Variants in NBPF11 observed in about 807,000 individuals in gnomAD.
NBPF11 encodes the protein NBPF member 11.
A neutral mutation model predicts 93.9 loss-of-function variants in NBPF11; 72 were observed. The observed-to-expected ratio is 0.77, with a 90% confidence interval of 0.63 to 0.93. The LOEUF (loss-of-function observed/expected upper bound fraction) is 0.93. NBPF11 is among the 40% of genes least tolerant of loss of function. The pLI is 0.00. For synonymous variants in NBPF11, 224 were observed against 304.9 expected (o/e 0.73, Z 2.76); for missense variants, 705 against 802.2 (o/e 0.88, Z 1.46).
At position 148,122,253 on chromosome 1, in the gene NBPF11, C is replaced by T. The variant is rs1274617853; in HGVS notation, c.580G>A (p.Ala194Thr). 1.2e-6 allele frequency: 2 copies of T among 1,609,912 alleles called. No individual in the cohort carries two copies. The highest frequency in any genetic ancestry group is 2.2e-4 in the Middle Eastern group (1 of 4,570). ...ESSAPREVQK[A>T]EESKVPEDSL... is the part of the protein sequence containing the mutation. The stretch of plus-strand genomic sequence containing the variant: ...TCCTCAGGGACTTTGCTCTCTTCAG[C>T]CTTCTGCACCTCCCTGATGAGCCAG... The change falls in exon 9 of 24, where the codon GCT becomes ACT. Residue 194 changes from alanine (A) to threonine (T), a missense_variant. Around this residue, in one of 12 missense-constraint regions of NBPF11, gnomAD observed 262 missense variants for 223.1 expected, o/e 1.17. Coordinates refer to ENST00000682118, the MANE Select transcript of NBPF11 (RefSeq NM_001385469.3).
intron 1 of NBPF11, chr1:148,149,278 C>G: frequency 6.3e-7 from 1 of 1,596,732 alleles, no homozygotes; most frequent in South Asian, 1.1e-5. Context: ...CGCCGCTCAC[C>G]TCGGGCATGC....
rs1418939898 is a variant in NBPF11, at chr1:148,106,867, C to T, written c.2251+75G>A. On this transcript the variant is annotated intron_variant, in intron 20 of 23. Coordinates refer to ENST00000682118, the MANE Select transcript of NBPF11 (RefSeq NM_001385469.3). Reference sequence around the variant, plus strand: ...ATGAAGTCTCTCGGGTCAGTAAGGGCCACTTGGAACAGGAATATCACCCCT... The same window carrying T: ...ATGAAGTCTCTCGGGTCAGTAAGGGTCACTTGGAACAGGAATATCACCCCT... The T allele has an allele frequency of 1.1e-5, 9 of 796,758 alleles. 1 individual carries two copies. Among genetic ancestry groups the T allele is most frequent in the African/African-American group, 3.7e-5 (2 of 53,996 alleles). 49.4% of individuals were successfully genotyped at this position (796,758 alleles called of 1,614,324 possible).
At chr1:148,130,515 A>T (rs1670153002) in intron 4 of NBPF11, among the ~76,000 whole-genome samples, 1 of 151,910 alleles carries the variant, frequency 6.6e-6, no homozygotes, top group Non-Finnish European at 1.5e-5. Flanking sequence ...GGGGCCTCGT[A>T]CCTGCTTCAT....
chr1:148,115,517 C>T (rs879347010), intron 14 of NBPF11, among the ~76,000 whole-genome samples: 8 of 149,826 alleles, frequency 5.3e-5, no homozygotes, highest in Non-Finnish European at 8.8e-5. Flanking sequence ...GATACTGAAT[C>T]GAAGTTAGGA....
intron 14 of NBPF11, among the ~76,000 whole-genome samples, chr1:148,114,835 G>C (rs1184332954): frequency 2.7e-5 from 4 of 150,870 alleles, no homozygotes; most frequent in Non-Finnish European, 5.9e-5. Context: ...AGGTAACATG[G>C]ACATTAAATG....
chr1:148,122,285 C>T lies in NBPF11; in HGVS notation c.567-19G>A. On this transcript the variant is annotated intron_variant, in intron 8 of 23. Transcript: ENST00000682118. ...CACCTCCCTGATGAGCCAGGTGGGA[C>T]AGAGATGACAGAAGATTAAACACAG... The T allele has an allele frequency of 6.2e-7, 1 of 1,609,362 alleles. No individual in the cohort carries two copies. The highest frequency in any genetic ancestry group is 8.5e-7 in the Non-Finnish European group (1 of 1,177,576).
intron 1 of NBPF11, among the ~76,000 whole-genome samples, chr1:148,150,837 C>A (rs1447693687): frequency 1.7e-4 from 26 of 151,586 alleles, no homozygotes; most frequent in Non-Finnish European, 3.4e-4. Flanking sequence ...AAGCGAGTCT[C>A]CTGCCTCAGC....
In NBPF11 at chr1:148,102,433, G is replaced by C. The variant is rs1404094686; in HGVS notation, c.*1463C>G. ...TCCCAAGTACTTCATTATAAGTAAG[G>C]TGTCTCTAAAAGGGACAGATCTCCT... On this transcript the variant is annotated 3_prime_UTR_variant, in exon 24 of 24. Coordinates refer to ENST00000682118, the MANE Select transcript of NBPF11 (RefSeq NM_001385469.3). 2 of 151,748 alleles carry C rather than the reference G, an allele frequency of 1.3e-5. No individual in the cohort carries two copies. The highest frequency in any genetic ancestry group is 3.9e-4 in the East Asian group (2 of 5,184). The allele number at this position is 151,748 out of a possible 1,614,324, so 9.4% of individuals were successfully genotyped here.
intron 1 of NBPF11, chr1:148,146,461 G>A: frequency 5.6e-6 from 9 of 1,604,394 alleles, no homozygotes; most frequent in South Asian, 1.1e-5. Context: ...CGGCCGCATC[G>A]CTGCCAAGCT....
At chr1:148,119,371 G>T (rs2994359) in intron 10 of NBPF11, among the ~76,000 whole-genome samples, 2 of 152,164 alleles carry the variant, frequency 1.3e-5, no homozygotes, top group Non-Finnish European at 2.9e-5. Context: ...AAACGTTCTA[G>T]GAGATTGACA....
intron 1 of NBPF11, 108 bp downstream of exon 1, chr1:148,151,642 C>T (rs1236703296): frequency 6.6e-6 from 1 of 152,354 alleles, no homozygotes; most frequent in African/African-American, 2.4e-5. Flanking sequence ...GCAACCGCCC[C>T]GCTCGCCTAA....
intron 1 of NBPF11, among the ~76,000 whole-genome samples, chr1:148,150,412 C>G (rs1553882735): frequency 0.016 from 2,471 of 150,932 alleles, 46 homozygotes; most frequent in Non-Finnish European, 0.026. Flanking sequence ...ATCACCTGCA[C>G]GTTTAAAATT....
rs1382307413 is a variant in NBPF11, at chr1:148,120,653, A to G, written c.836T>C (p.Leu279Ser). ...NVSMVVSAGP[L>S]SSEKAEMNIL... ...GTTCATCTCTGCCTTCTCGCTGGAC[A>G]AAGGGCCGGCTGATACCACCATGCT... is the stretch of plus-strand genomic sequence containing the variant. The change falls in exon 10 of 24, where the codon TTG (leucine) becomes TCG (serine). Residue 279 changes from leucine (L) to serine (S), a missense_variant. Transcript: ENST00000682118. The G allele has an allele frequency of 5.2e-6, 8 of 1,542,366 alleles. No individual in the cohort carries two copies. The East Asian group carries it at 1.8e-4, about 35-fold the overall frequency.
At chr1:148,133,346 G>C (rs1670732505) in intron 4 of NBPF11, among the ~76,000 whole-genome samples, 1 of 151,974 alleles carries the variant, frequency 6.6e-6, no homozygotes, top group Non-Finnish European at 1.5e-5. Flanking sequence ...TAGAGCTCTA[G>C]TATAATGCTG....
At chr1:148,146,687 G>A in intron 1 of NBPF11, 7 of 1,611,856 alleles carry the variant, frequency 4.3e-6, no homozygotes, top group South Asian at 3.3e-5. Flanking sequence ...CGCGGCAACC[G>A]TGTCTCCTGC....
At chr1:148,111,526 T>C (rs1484028178) in intron 15 of NBPF11, among the ~76,000 whole-genome samples, 1 of 151,772 alleles carries the variant, frequency 6.6e-6, no homozygotes, top group African/African-American at 2.4e-5. Context: ...GACGAATGGC[T>C]AACCAGAATG....
At chr1:148,108,710 C>A (rs1295558674) in intron 17 of NBPF11, 56 bp from the exon 18 acceptor site, 1 of 774,174 alleles carries the variant, frequency 1.3e-6, no homozygotes, top group East Asian at 2.5e-5. Context: ...AACCACACAG[C>A]CCCAGCTAGA....
At chr1:148,142,913 G>A (rs1157079091) in intron 2 of NBPF11, among the ~76,000 whole-genome samples, 19 of 152,274 alleles carry the variant, frequency 1.2e-4, no homozygotes, top group Non-Finnish European at 2.2e-4. Context: ...TGGCAACTGA[G>A]CCATGTTTCC....
chr1:148,104,314 G>C lies in NBPF11; in HGVS notation c.2581+223C>G. Among the ~76,000 whole-genome samples, 2 of 145,626 alleles carry C rather than the reference G, an allele frequency of 1.4e-5. 1 individual carries two copies. Among genetic ancestry groups the C allele is most frequent in the Non-Finnish European group, 3.0e-5 (2 of 67,200 alleles). On this transcript the variant is annotated intron_variant, in intron 23 of 23. Coordinates refer to ENST00000682118, the MANE Select transcript of NBPF11 (RefSeq NM_001385469.3). ...AAAATTCGATGCAGTGGCCATGAGAGTACAGCTTTTGAAGTATGGTCCACC... is the reference window on the plus strand; with the variant it reads ...AAAATTCGATGCAGTGGCCATGAGACTACAGCTTTTGAAGTATGGTCCACC...
Sources: gnomAD v4.1 joint callset for allele counts (sites outside exome capture counted in the v4.1 genomes callset) on GRCh38, gnomAD v4.1.1 for gene constraint, gnomAD v4.1.1 regional missense constraint, MANE v1.5 for transcripts, NCBI Gene and HGNC (gene_info 2026-07-23, HGNC 2026-07-21) for gene names.